EPHA2: variants seen among roughly 807,000 people sequenced by gnomAD.
The protein encoded by EPHA2 is EPH receptor A2.
Under a neutral mutation model 104.9 loss-of-function variants are expected in EPHA2, and 54 were observed. The observed-to-expected ratio is 0.51, with a 90% CI of 0.41 to 0.65. The LOEUF (loss-of-function observed/expected upper bound fraction) is 0.65, where lower values mean the gene tolerates loss of function less well. EPHA2 is among the 30% of genes least tolerant of loss of function. The pLI is 0.00. For missense variants in EPHA2, 1,117 were observed against 1,369.5 expected (o/e 0.82, Z 2.91); for synonymous variants, 560 against 559.1 (o/e 1.00, Z -0.02).
chr1:16,155,809 G>A, intron 1 of EPHA2, 39 bp downstream of exon 1: 1 of 1,362,444 alleles, frequency 7.3e-7, no homozygotes, highest in South Asian at 1.7e-5. Context: ...GGGGCACTGG[G>A]GCCCGGGGGC....
intron 3 of EPHA2, among the ~76,000 whole-genome samples, chr1:16,141,619 C>A (rs1373000494): frequency 1.3e-5 from 2 of 152,232 alleles, no homozygotes; most frequent in African/African-American, 4.8e-5. Flanking sequence ...GCCATAAACC[C>A]CCACAGCCCA....
intron 1 of EPHA2, among the ~76,000 whole-genome samples, chr1:16,151,265 AG>A (rs1364377577): frequency 6.6e-6 from 1 of 152,170 alleles, no homozygotes; most frequent in African/African-American, 2.4e-5. Context: ...TGGGCAGAGC[AG>A]GCCAGGGAGC....
rs2024641765 is a variant in EPHA2, at chr1:16,134,416, C to A, written c.1682+52G>T. 1 of 1,575,266 alleles carries A rather than the reference C, an allele frequency of 6.3e-7. No homozygotes were observed. The highest frequency in any genetic ancestry group is 8.7e-7 in the Non-Finnish European group (1 of 1,146,354). ...CAGATGAGGAAATGGAGGTTCCTGCCCCATTTTCCCACCCAAGCCCATGTG... is the reference window on the plus strand; with the variant it reads ...CAGATGAGGAAATGGAGGTTCCTGCACCATTTTCCCACCCAAGCCCATGTG... On this transcript the variant is annotated intron_variant, in intron 8 of 16. Transcript: ENST00000358432. This position sits in a 1 kb window ranked among gnomAD's most constrained non-coding sequence, Gnocchi z 4.5.
In EPHA2 at chr1:16,129,528, C is replaced by T. The variant is rs376030072; in HGVS notation, c.2731G>A (p.Glu911Lys). 13 of 1,613,478 alleles carry T rather than the reference C, an allele frequency of 8.1e-6. 1 individual carries two copies. Among genetic ancestry groups the T allele is most frequent in the African/African-American group, 4.0e-5 (3 of 74,880 alleles). The change falls in exon 16 of 17, where the codon GAG becomes AAG. Residue 911 changes from glutamate to lysine, a missense_variant. By Grantham distance (56) the Glu-to-Lys change is moderately conservative. Around this residue, in one of 3 missense-constraint regions of EPHA2, gnomAD observed 340 missense variants for 480.5 expected, o/e 0.71. Coordinates refer to ENST00000358432, the MANE Select transcript of EPHA2 (RefSeq NM_004431.5). Reference protein sequence around the residue: ...SEGVPFRTVSEWLESIKMQQY... With the variant: ...SEGVPFRTVSKWLESIKMQQY... ...TGCATCTTGATGGACTCCAGCCACT[C>T]GGACACCGTGCGGAAGGGCACCCCC... is the stretch of plus-strand genomic sequence containing the variant.
Position 16,148,976 on chromosome 1 carries a change from G to A in EPHA2, c.225C>T (p.Gly75=), listed in dbSNP as rs1569606070. ...TGGTGCGGAGCCAGTTGTCCTGGTC[G>A]CCAGACATCACGTTGCACACGGAGT... The part of the protein sequence containing the change: ...YMYSVCNVMS[G]DQDNWLRTNW... The change falls in exon 3 of 17, where the codon GGC becomes GGT. Residue 75 remains glycine (G), a synonymous_variant. Transcript: ENST00000358432. This position sits in a 1 kb window ranked among gnomAD's most constrained non-coding sequence, Gnocchi z 4.9. 11 of 1,614,124 alleles carry A rather than the reference G, an allele frequency of 6.8e-6. No individual in the cohort carries two copies. The highest frequency in any genetic ancestry group is 2.2e-5 in the East Asian group (1 of 44,888).
chr1:16,153,034 G>T lies in EPHA2; in HGVS notation c.86-2071C>A, dbSNP rs774884056. On this transcript the variant is annotated intron_variant, in intron 1 of 16. Coordinates refer to ENST00000358432, the MANE Select transcript of EPHA2 (RefSeq NM_004431.5). ...CTCTGGAAAGGGTGGGAGCCTGGGA[G>T]CCCCTCGGCTGACCCAGACGGCTTC... 2.2e-4 allele frequency: 166 copies of T among 753,998 alleles called. 1 individual carries two copies. The highest frequency in any genetic ancestry group is 2.6e-4 in the Non-Finnish European group (164 of 619,084). The allele number at this position is 753,998 out of a possible 1,614,324, so 46.7% of individuals were successfully genotyped here. A position where few individuals can be genotyped will look rare whatever the true frequency, so the allele number is the denominator to read the frequency against.
chr1:16,131,733 C>T lies in EPHA2; in HGVS notation c.2463G>A (p.Leu821=), dbSNP rs143247718. 1.6e-4 allele frequency: 262 copies of T among 1,614,044 alleles called. 3 individuals are homozygous for T. In the South Asian group the frequency reaches 2.7e-3, roughly 17 times the overall value. ...MTYGERPYWE[L]SNHEVMKAIN... ...CAAGGGCACCCACCTCGTGGTTGGA[C>T]AACTCCCAGTAGGGCCGCTCGCCAT... Residue 821 remains leucine (L), a synonymous_variant, in exon 14 of 17, where the codon TTG becomes TTA. Coordinates refer to ENST00000358432, the MANE Select transcript of EPHA2 (RefSeq NM_004431.5). The surrounding 1 kb of genome is among the most constrained non-coding windows in gnomAD (Gnocchi z 5.2).
chr1:16,138,109 C>T lies in EPHA2; in HGVS notation c.1056G>A (p.Gln352=), dbSNP rs201214056. Residue 352 remains glutamine, a synonymous_variant, in exon 5 of 17, where the codon CAG becomes CAA. Transcript: ENST00000358432. The stretch of plus-strand genomic sequence containing the variant: ...CAATGTCCTCGCGGCCCCCGCTGTC[C>T]TGAGGGGGCGTCCAGCGCAGCTCCA... ...AKVELRWTPP[Q]DSGGREDIVY... 2.5e-6 allele frequency: 4 copies of T among 1,609,874 alleles called. No individual in the cohort carries two copies. Among genetic ancestry groups the T allele is most frequent in the Admixed American group, 3.3e-5 (2 of 60,006 alleles).
At chr1:16,143,065 AG>A (rs2024856329) in intron 3 of EPHA2, among the ~76,000 whole-genome samples, 2 of 114,270 alleles carry the variant, frequency 1.8e-5, no homozygotes, top group East Asian at 2.8e-4. Context: ...GGATGGGTGG[AG>A]GGGGGTATGA....
At chr1:16,138,564 C>T (rs2024764927) in intron 3 of EPHA2, 134 bp from the exon 4 acceptor site, 8 of 1,333,438 alleles carry the variant, frequency 6.0e-6, no homozygotes, top group African/African-American at 1.4e-5. Flanking sequence ...CCTGTTTTCT[C>T]ATCGGCAAAA....
chr1:16,146,734 C>G (rs758450252), intron 3 of EPHA2, among the ~76,000 whole-genome samples: 1 of 152,176 alleles, frequency 6.6e-6, no homozygotes, highest in African/African-American at 2.4e-5. Flanking sequence ...GTTTACAGAC[C>G]GTGTTAAGTA....
chr1:16,155,545 C>G (rs944964770), intron 1 of EPHA2: 1 of 377,732 alleles, frequency 2.6e-6, no homozygotes, highest in East Asian at 4.2e-5. Flanking sequence ...CCCACGCCCC[C>G]CGCCGGGACG....
intron 1 of EPHA2, chr1:16,153,025 A>G (rs1569617337): frequency 1.5e-6 from 1 of 674,698 alleles, no homozygotes; most frequent in East Asian, 1.4e-4. Flanking sequence ...AAAGGGTGGG[A>G]GCCTGGGAGC....
At chr1:16,154,828 T>A (rs996037428) in intron 1 of EPHA2, among the ~76,000 whole-genome samples, 2 of 150,904 alleles carry the variant, frequency 1.3e-5, no homozygotes, top group Non-Finnish European at 3.0e-5. Context: ...TTCCCCCTTG[T>A]GGAGCCTGCG....
At chr1:16,145,967 G>A (rs1324245103) in intron 3 of EPHA2, among the ~76,000 whole-genome samples, 2 of 152,198 alleles carry the variant, frequency 1.3e-5, no homozygotes, top group South Asian at 2.1e-4. Flanking sequence ...GATTCCGCTC[G>A]CATGTCTGAT....
At position 16,132,450 on chromosome 1, in the gene EPHA2, G is replaced by T; in HGVS notation, c.2054-11C>A. On this transcript the variant is annotated splice_polypyrimidine_tract_variant and intron_variant, in intron 11 of 16. Coordinates refer to ENST00000358432, the MANE Select transcript of EPHA2 (RefSeq NM_004431.5). ...TCATCATGGGCTTGTCTGTAGGGGG[G>T]TGGGCACAGGTGAGAGGTAAGTGGG... 2 of 1,613,634 alleles carry T rather than the reference G, an allele frequency of 1.2e-6. No individual in the cohort carries two copies. The highest frequency in any genetic ancestry group is 1.7e-6 in the Non-Finnish European group (2 of 1,180,012).
chr1:16,150,454 C>T lies in EPHA2; in HGVS notation c.153+442G>A, dbSNP rs949058363. ...GCAACAGCTAGAGGTGGGAAAGGGG[C>T]GGGCAGGAAGGAACTTGATCAGGTT... is the stretch of plus-strand genomic sequence containing the variant. On this transcript the variant is annotated intron_variant, in intron 2 of 16. Transcript: ENST00000358432. The surrounding 1 kb of genome is among the most constrained non-coding windows in gnomAD (Gnocchi z 4.8). Among the ~76,000 whole-genome samples, 4 of 152,184 alleles carry T rather than the reference C, an allele frequency of 2.6e-5. No homozygotes were observed. Among genetic ancestry groups the T allele is most frequent in the East Asian group, 1.9e-4 (1 of 5,204 alleles).
chr1:16,135,566 T>C lies in EPHA2; in HGVS notation c.1428+89A>G, dbSNP rs1323046255. ...ATCTGCAGAAGGGTGCTTCTTCAGATGGCTGGGTGGTTTGGTGATCATCTA... is the reference window on the plus strand; with the variant it reads ...ATCTGCAGAAGGGTGCTTCTTCAGACGGCTGGGTGGTTTGGTGATCATCTA... On this transcript the variant is annotated intron_variant, in intron 6 of 16. Coordinates refer to ENST00000358432, the MANE Select transcript of EPHA2 (RefSeq NM_004431.5). This position sits in a 1 kb window ranked among gnomAD's most constrained non-coding sequence, Gnocchi z 4.3. 1 of 1,290,874 alleles carries C rather than the reference T, an allele frequency of 7.7e-7. No homozygotes were observed. Among genetic ancestry groups the C allele is most frequent in the Non-Finnish European group, 1.1e-6 (1 of 887,522 alleles). The allele number at this position is 1,290,874 out of a possible 1,614,324, so 80.0% of individuals were successfully genotyped here. A position where few individuals can be genotyped will look rare whatever the true frequency, so the allele number is the denominator to read the frequency against.
chr1:16,138,634 G>A (rs1335911184), intron 3 of EPHA2, among the ~76,000 whole-genome samples: 2 of 152,212 alleles, frequency 1.3e-5, no homozygotes, highest in African/African-American at 2.4e-5. Context: ...CCCAGGAAGT[G>A]CTTCACACAC....
Sources: allele counts gnomAD v4.1 joint callset (sites outside exome capture counted in the v4.1 genomes callset), GRCh38; gene constraint gnomAD v4.1.1; regional missense constraint gnomAD v4.1.1; non-coding constraint Gnocchi (gnomAD v3.1); transcripts MANE v1.5; gene names NCBI Gene and HGNC (gene_info 2026-07-23, HGNC 2026-07-21).